The following CACNA1C variants were observed in gnomAD, a reference collection of about 807,000 sequenced individuals.
The protein encoded by CACNA1C is voltage-dependent L-type calcium channel subunit alpha-1C.
CACNA1C carries 30 observed loss-of-function variants against 229.0 expected under a neutral mutation model. The ratio of observed to expected loss-of-function variants is 0.13; its 90% CI spans 0.10 to 0.18. CACNA1C has a LOEUF of 0.18. CACNA1C is among the 10% of genes least tolerant of loss of function. The pLI, the probability that CACNA1C is intolerant of heterozygous loss-of-function variation, is 1.00. For synonymous variants in CACNA1C, 1,114 were observed against 1,132.5 expected (o/e 0.98, Z 0.33); for missense variants, 1,658 against 2,845.0 (o/e 0.58, Z 9.49).
At position 2,677,076 on chromosome 12, in the gene CACNA1C, C is replaced by G. The variant is rs759258542; in HGVS notation, c.4829-18C>G. The stretch of plus-strand genomic sequence containing the variant: ...CCTGCTCCCCTCTTACCCCCTCTCC[C>G]CTCTCCATACGTCTCAGATGATGAG... On this transcript the variant is annotated intron_variant, in intron 39 of 46. Coordinates refer to ENST00000399655, the MANE Select transcript of CACNA1C (RefSeq NM_000719.7). This position sits in a 1 kb window ranked among gnomAD's most constrained non-coding sequence, Gnocchi z 7.4. 1 of 1,610,524 alleles carries G rather than the reference C, an allele frequency of 6.2e-7. No homozygotes were observed. The highest frequency in any genetic ancestry group is 1.7e-5 in the Admixed American group (1 of 59,868).
At chr12:2,082,795 A>G (rs1253782883) in intron 1 of CACNA1C, among the ~76,000 whole-genome samples, 1 of 152,180 alleles carries the variant, frequency 6.6e-6, no homozygotes, top group Non-Finnish European at 1.5e-5. Context: ...TCTTGCGTTC[A>G]AGGAATTTTC....
At chr12:2,637,272 A>G (rs1471487733) in intron 30 of CACNA1C, among the ~76,000 whole-genome samples, 2 of 152,226 alleles carry the variant, frequency 1.3e-5, no homozygotes, top group Non-Finnish European at 2.9e-5. Context: ...TAAAAACTCT[A>G]TATAAACTGG....
intron 3 of CACNA1C, among the ~76,000 whole-genome samples, chr12:2,405,438 C>T (rs927651783): frequency 6.6e-6 from 1 of 152,208 alleles, no homozygotes; most frequent in South Asian, 2.1e-4. Context: ...ATCCCTAACC[C>T]CTGGCAACTA....
intron 39 of CACNA1C, among the ~76,000 whole-genome samples, chr12:2,674,845 G>A (rs569563112): frequency 2.0e-5 from 3 of 152,338 alleles, no homozygotes; most frequent in Admixed American, 6.5e-5. Context: ...GGAGGCAGGT[G>A]CAACGCCCTG....
chr12:2,169,809 T>C (rs2096401178), intron 3 of CACNA1C, among the ~76,000 whole-genome samples: 2 of 152,236 alleles, frequency 1.3e-5, no homozygotes, highest in African/African-American at 2.4e-5. Flanking sequence ...CTGCCATTGA[T>C]GTAACTCATA....
At chr12:2,538,494 T>A (rs1028896448) in intron 9 of CACNA1C, among the ~76,000 whole-genome samples, 8 of 152,214 alleles carry the variant, frequency 5.3e-5, no homozygotes, top group African/African-American at 1.9e-4. Context: ...TTCTACAACC[T>A]TCTTTTCTCT....
At chr12:2,377,140 AACAAAAGG>A (rs2098097580) in intron 3 of CACNA1C, among the ~76,000 whole-genome samples, 1 of 152,150 alleles carries the variant, frequency 6.6e-6, no homozygotes, top group South Asian at 2.1e-4. Flanking sequence ...GGACACGGCC[AACAAAAGG>A]AGAAATTAAA....
intron 4 of CACNA1C, among the ~76,000 whole-genome samples, chr12:2,454,777 G>C (rs895582218): frequency 6.6e-6 from 1 of 152,104 alleles, no homozygotes; most frequent in East Asian, 1.9e-4. Flanking sequence ...TTCAGCACCC[G>C]TGCCTCTCTC....
chr12:2,271,113 C>T (rs2084785563), intron 3 of CACNA1C, among the ~76,000 whole-genome samples: 1 of 152,070 alleles, frequency 6.6e-6, no homozygotes, highest in South Asian at 2.1e-4. Context: ...TCACCTCCAG[C>T]CAGTATTGGG....
chr12:2,642,194 C>T (rs1036383559), intron 30 of CACNA1C, among the ~76,000 whole-genome samples: 5 of 152,188 alleles, frequency 3.3e-5, no homozygotes, highest in African/African-American at 7.2e-5. Flanking sequence ...GGTCCTGATG[C>T]GGCTCTGACC....
intron 3 of CACNA1C, among the ~76,000 whole-genome samples, chr12:2,183,229 T>A (rs755560792): frequency 1.8e-4 from 27 of 148,450 alleles, no homozygotes; most frequent in Middle Eastern, 3.4e-3. Context: ...GGAAGCCACT[T>A]AACATAATTC....
At position 2,486,005 on chromosome 12, in the gene CACNA1C, G is replaced by A; in HGVS notation, c.758-99G>A. On this transcript the variant is annotated intron_variant, in intron 5 of 46. Transcript: ENST00000399655. The surrounding 1 kb of genome is among the most constrained non-coding windows in gnomAD (Gnocchi z 4.9). Reference sequence around the variant, plus strand: ...TCTTCTCATCTAAACAACAGGGCTGGCAGTTCCTTCCTTGCAGAGTTGCTG... The same window carrying A: ...TCTTCTCATCTAAACAACAGGGCTGACAGTTCCTTCCTTGCAGAGTTGCTG... 1.1e-6 allele frequency: 1 copy of A among 937,094 alleles called. No homozygotes were observed. The highest frequency in any genetic ancestry group is 1.6e-6 in the Non-Finnish European group (1 of 644,046). 58.0% of individuals were successfully genotyped at this position (937,094 alleles called of 1,614,324 possible).
At chr12:2,460,676 G>A (rs1467059437) in intron 5 of CACNA1C, among the ~76,000 whole-genome samples, 2 of 152,178 alleles carry the variant, frequency 1.3e-5, no homozygotes, top group African/African-American at 4.8e-5. Flanking sequence ...CAAATGCAAG[G>A]CCCTCATGTT....
chr12:2,424,227 A>G (rs553928786), intron 3 of CACNA1C, among the ~76,000 whole-genome samples: 4 of 152,226 alleles, frequency 2.6e-5, no homozygotes, highest in Non-Finnish European at 4.4e-5. Flanking sequence ...TCAATTAGCC[A>G]AATTCCTACG....
intron 3 of CACNA1C, among the ~76,000 whole-genome samples, chr12:2,211,619 T>C (rs1187516047): frequency 6.6e-6 from 1 of 152,128 alleles, no homozygotes; most frequent in African/African-American, 2.4e-5. Context: ...TGGCCTTGCT[T>C]GGAGGTTAGG....
intron 1 of CACNA1C, among the ~76,000 whole-genome samples, chr12:1,972,457 T>C (rs762964911): frequency 6.6e-6 from 1 of 152,176 alleles, no homozygotes; most frequent in African/African-American, 2.4e-5. Flanking sequence ...ACACAGCTAC[T>C]AGGCATTTGA....
intron 30 of CACNA1C, among the ~76,000 whole-genome samples, chr12:2,640,399 A>G (rs551287307): frequency 6.6e-6 from 1 of 152,002 alleles, no homozygotes; most frequent in East Asian, 1.9e-4. Flanking sequence ...GCCTGACTTG[A>G]CTTCTCTGTG....
chr12:2,265,818 T>G (rs1332727169), intron 3 of CACNA1C, among the ~76,000 whole-genome samples: 1 of 152,198 alleles, frequency 6.6e-6, no homozygotes, highest in African/African-American at 2.4e-5. Flanking sequence ...GAGGGAGAGC[T>G]GGGTGGCCCA....
chr12:2,027,651 C>T (rs775646037), intron 1 of CACNA1C, among the ~76,000 whole-genome samples: 40 of 152,114 alleles, frequency 2.6e-4, no homozygotes, highest in East Asian at 5.8e-4. Context: ...GCATTTAAAG[C>T]GGAAAGTCCC....
Sources: gnomAD v4.1 joint callset for allele counts (sites outside exome capture counted in the v4.1 genomes callset) on GRCh38, gnomAD v4.1.1 for gene constraint, Gnocchi (gnomAD v3.1) non-coding constraint, MANE v1.5 for transcripts, NCBI Gene and HGNC (gene_info 2026-07-23, HGNC 2026-07-21) for gene names.